The following CCSER1 variants were observed in gnomAD, a reference collection of about 807,000 sequenced individuals.
The protein encoded by CCSER1 is serine-rich coiled-coil domain-containing protein 1.
CCSER1 carries 41 observed loss-of-function variants against 82.0 expected under a neutral mutation model. That is an observed-to-expected ratio of 0.50 (90% CI 0.39 to 0.65). The LOEUF is 0.65. Ranked by LOEUF, CCSER1 falls within the 30% of genes least tolerant of loss-of-function variation. The pLI, the probability that CCSER1 is intolerant of heterozygous loss-of-function variation, is 0.00. For synonymous variants in CCSER1, 414 were observed against 383.9 expected (o/e 1.08, Z -0.92); for missense variants, 1,119 against 1,064.2 (o/e 1.05, Z -0.72).
intron 10 of CCSER1, among the ~76,000 whole-genome samples, chr4:91,097,671 C>T (rs1377544258): frequency 6.6e-6 from 1 of 152,086 alleles, no homozygotes; most frequent in Non-Finnish European, 1.5e-5. Flanking sequence ...TCCATTACTG[C>T]AAAAATCCCC....
chr4:90,363,745 T>C (rs940946270), intron 3 of CCSER1, among the ~76,000 whole-genome samples: 1 of 152,262 alleles, frequency 6.6e-6, no homozygotes. Context: ...ACGTATCTTA[T>C]AATTTTATTT....
intron 5 of CCSER1, among the ~76,000 whole-genome samples, chr4:90,475,876 G>A (rs1031318460): frequency 6.6e-6 from 1 of 152,126 alleles, no homozygotes; most frequent in Non-Finnish European, 1.5e-5. Flanking sequence ...TCCTCTGACC[G>A]AGTACCACTA....
intron 10 of CCSER1, among the ~76,000 whole-genome samples, chr4:91,498,493 G>T (rs1048716084): frequency 6.6e-6 from 1 of 151,056 alleles, no homozygotes; most frequent in African/African-American, 2.4e-5. Flanking sequence ...CCTTGAGAAT[G>T]TACATTTTTC....
chr4:90,571,193 T>C (rs1401239177), intron 5 of CCSER1, among the ~76,000 whole-genome samples: 1 of 152,158 alleles, frequency 6.6e-6, no homozygotes, highest in African/African-American at 2.4e-5. Context: ...GAACTAAAAA[T>C]AGAACAACCA....
At position 90,781,191 on chromosome 4, in the gene CCSER1, T is replaced by A. The variant is rs1356476452; in HGVS notation, c.2011-34571T>A. On this transcript the variant is annotated intron_variant, in intron 7 of 10. Transcript: ENST00000509176. ...CACCTCCAGCACTGGGGATCACAAC[T>A]CGACATGAGATTTGAGCAGAGACAA... 5.7e-6 allele frequency: 5 copies of A among 872,296 alleles called. No individual in the cohort carries two copies. In the African/African-American group the frequency reaches 9.1e-5, roughly 16 times the overall value. 54.0% of individuals were successfully genotyped at this position (872,296 alleles called of 1,614,324 possible). A position where few individuals can be genotyped will look rare whatever the true frequency, so the allele number is the denominator to read the frequency against.
rs911397704 is a variant in CCSER1, at chr4:90,815,709, G to A, written c.2011-53G>A. On this transcript the variant is annotated intron_variant, in intron 7 of 10. Transcript: ENST00000509176. ...GTGTGAAGCTGACTTTCCTTATCAA[G>A]AGCAAAGTAAAAGGGCTAAGCCTAT... The A allele has an allele frequency of 3.3e-5, 43 of 1,311,872 alleles. No homozygotes were observed. In the Middle Eastern group the frequency reaches 5.6e-4, roughly 17 times the overall value. The allele number at this position is 1,311,872 out of a possible 1,614,324, so 81.3% of individuals were successfully genotyped here. A position where few individuals can be genotyped will look rare whatever the true frequency, so the allele number is the denominator to read the frequency against.
intron 9 of CCSER1, among the ~76,000 whole-genome samples, chr4:91,077,650 AC>A (rs1351899213): frequency 2.0e-5 from 3 of 152,118 alleles, no homozygotes; most frequent in Non-Finnish European, 4.4e-5. Context: ...GTGGGGCATC[AC>A]CTCACCTGGG....
intron 3 of CCSER1, among the ~76,000 whole-genome samples, chr4:90,390,749 C>A (rs1322212143): frequency 6.6e-6 from 1 of 152,044 alleles, no homozygotes; most frequent in Non-Finnish European, 1.5e-5. Context: ...AACATAGATA[C>A]AAGTGTATAT....
intron 10 of CCSER1, among the ~76,000 whole-genome samples, chr4:91,424,710 T>C (rs1483630574): frequency 6.6e-6 from 1 of 152,130 alleles, no homozygotes; most frequent in African/African-American, 2.4e-5. Flanking sequence ...TATAATAATG[T>C]TTTATTTTTA....
rs1393527158 is a variant in CCSER1, at chr4:90,309,543, C to G, written c.1259C>G (p.Pro420Arg). Reference protein sequence around the residue: ...IHPISDSKIIPTSGDHHIFNK... With the variant: ...IHPISDSKIIRTSGDHHIFNK... ...CCTATTTCAGATTCAAAGATAATAC[C>G]TACTTCTGGTGATCATCATATTTTT... The change falls in exon 2 of 11, where the codon CCT becomes CGT. Residue 420 changes from proline to arginine, a missense_variant. Pro to Arg is a moderately radical substitution (Grantham distance 103, BLOSUM62 -2). Transcript: ENST00000509176. The G allele has an allele frequency of 1.9e-6, 3 of 1,610,502 alleles. No individual in the cohort carries two copies. The highest frequency in any genetic ancestry group is 2.5e-6 in the Non-Finnish European group (3 of 1,178,382).
chr4:90,414,997 G>T (rs1019355914), intron 4 of CCSER1, among the ~76,000 whole-genome samples: 1 of 151,648 alleles, frequency 6.6e-6, no homozygotes, highest in African/African-American at 2.4e-5. Flanking sequence ...ACCAGGATAT[G>T]AAAAAAAATA....
chr4:90,220,652 G>T (rs1467993274), intron 1 of CCSER1, among the ~76,000 whole-genome samples: 1 of 152,086 alleles, frequency 6.6e-6, no homozygotes, highest in Non-Finnish European at 1.5e-5. Flanking sequence ...GTCTCTCCTG[G>T]CCAATCTTGT....
chr4:91,129,426 A>G (rs1727810223), intron 10 of CCSER1, among the ~76,000 whole-genome samples: 2 of 150,880 alleles, frequency 1.3e-5, no homozygotes. Context: ...GCTAATTCTG[A>G]CAGAAAGTAA....
intron 10 of CCSER1, among the ~76,000 whole-genome samples, chr4:91,590,422 G>C (rs998381813): frequency 6.6e-6 from 1 of 152,120 alleles, no homozygotes; most frequent in Non-Finnish European, 1.5e-5. Flanking sequence ...CTGTAGTAGA[G>C]TGTTTCCTAG....
intron 5 of CCSER1, among the ~76,000 whole-genome samples, chr4:90,610,505 T>C (rs1785325911): frequency 6.6e-6 from 1 of 152,074 alleles, no homozygotes; most frequent in Non-Finnish European, 1.5e-5. Context: ...ACATATGATA[T>C]AAATATTTTA....
Position 91,540,387 on chromosome 4 carries a change from T to A in CCSER1, c.2218-58185T>A, listed in dbSNP as rs532612264. Reference sequence around the variant, plus strand: ...TTAAAATCTTCTGTGCTTTGTGTACTCTTTGCCTATTTTAATTGAGTTGTT... The same window carrying A: ...TTAAAATCTTCTGTGCTTTGTGTACACTTTGCCTATTTTAATTGAGTTGTT... On this transcript the variant is annotated intron_variant, in intron 10 of 10. Coordinates refer to ENST00000509176, the MANE Select transcript of CCSER1 (RefSeq NM_001145065.2). 5.0e-4 allele frequency among the ~76,000 whole-genome samples: 76 copies of A among 152,286 alleles called. 1 individual carries two copies. The South Asian group carries it at 0.01, about 20-fold the overall frequency.
intron 6 of CCSER1, among the ~76,000 whole-genome samples, chr4:90,671,585 CTGAAGTCTT>C (rs964978047): frequency 1.3e-5 from 2 of 151,974 alleles, no homozygotes; most frequent in African/African-American, 4.8e-5. Flanking sequence ...ACTTCCTCTC[CTGAAGTCTT>C]TGAAGTCTTG....
At chr4:91,583,396 G>C (rs1414321193) in intron 10 of CCSER1, among the ~76,000 whole-genome samples, 2 of 151,092 alleles carry the variant, frequency 1.3e-5, no homozygotes, top group South Asian at 2.1e-4. Context: ...TTTATAAATT[G>C]CATCTATCTC....
intron 5 of CCSER1, among the ~76,000 whole-genome samples, chr4:90,495,835 C>T (rs946221457): frequency 3.3e-5 from 5 of 151,924 alleles, no homozygotes; most frequent in Admixed American, 2.6e-4. Flanking sequence ...ATTATCAGGC[C>T]CCTGCAGCAA....
Sources: gnomAD v4.1 joint callset for allele counts (sites outside exome capture counted in the v4.1 genomes callset) on GRCh38, gnomAD v4.1.1 for gene constraint, MANE v1.5 for transcripts, NCBI Gene and HGNC (gene_info 2026-07-23, HGNC 2026-07-21) for gene names.